The following AGBL2 variants were observed in gnomAD, a reference collection of about 807,000 sequenced individuals.
The protein encoded by AGBL2 is AGBL carboxypeptidase 2.
Under a neutral mutation model 103.0 loss-of-function variants are expected in AGBL2, and 87 were observed. The observed-to-expected ratio is 0.84, with a 90% CI of 0.71 to 1.01. AGBL2 has a LOEUF of 1.01. Among genes scored for constraint, AGBL2 ranks in the 50% least tolerant of loss-of-function variants. The pLI is 0.00. For synonymous variants in AGBL2, 335 were observed against 356.7 expected, an observed-to-expected ratio of 0.94 and a Z score of 0.69; for missense variants, 904 against 1,023.5, an observed-to-expected ratio of 0.88 and a Z score of 1.59.
At chr11:47,661,788 T>G (rs2097328734) in intron 18 of AGBL2, among the ~76,000 whole-genome samples, 1 of 151,630 alleles carries the variant, frequency 6.6e-6, no homozygotes, top group African/African-American at 2.4e-5. Context: ...AGAGTCTCAC[T>G]CTGTCGCCCA....
intron 8 of AGBL2, among the ~76,000 whole-genome samples, chr11:47,698,183 T>G (rs1010799713): frequency 9.5e-5 from 14 of 147,446 alleles, no homozygotes; most frequent in African/African-American, 3.5e-4. Flanking sequence ...TTTTTTTTTT[T>G]TTTTTTTGAG....
intron 3 of AGBL2, among the ~76,000 whole-genome samples, chr11:47,711,407 C>T (rs2097536069): frequency 6.6e-6 from 1 of 152,194 alleles, no homozygotes; most frequent in Admixed American, 6.5e-5. Flanking sequence ...GAAGCTCCTC[C>T]CCTCACTTGC....
chr11:47,686,852 G>T (rs1598988055), intron 10 of AGBL2, among the ~76,000 whole-genome samples: 1 of 151,270 alleles, frequency 6.6e-6, no homozygotes, highest in Admixed American at 6.6e-5. Flanking sequence ...CCAGCTACTT[G>T]GCAGGCTGAG....
rs760638276 is a variant in AGBL2 at position 47,668,869 on chromosome 11, G to A, written c.2186C>T (p.Pro729Leu). The A allele has an allele frequency of 2.5e-6, 4 of 1,613,348 alleles. No homozygotes were observed. In the South Asian group the frequency reaches 4.4e-5, roughly 18 times the overall value. The change falls in exon 15 of 19, where the codon CCT becomes CTT. Residue 729 changes from proline to leucine, a missense_variant. Pro to Leu is a moderately conservative substitution (Grantham distance 98, BLOSUM62 -3). Transcript: ENST00000525123. ...GSDSSLSDGL[P>L]VHLANIADEL... ...ATCTGCTATGTTTGCTAGGTGAACAGGAAGACCATCTGAGAGAGAACTGTC... is the reference window on the plus strand; with the variant it reads ...ATCTGCTATGTTTGCTAGGTGAACAAGAAGACCATCTGAGAGAGAACTGTC...
At chr11:47,664,151 G>A (rs1016659209) in intron 17 of AGBL2, among the ~76,000 whole-genome samples, 2 of 152,054 alleles carry the variant, frequency 1.3e-5, no homozygotes, top group Admixed American at 6.6e-5. Flanking sequence ...CACCGTGCCT[G>A]GGCAGCACTG....
Position 47,660,365 on chromosome 11 carries a change from A to T in AGBL2, c.2536-19T>A. The T allele has an allele frequency of 6.3e-7, 1 of 1,586,196 alleles. No homozygotes were observed. The highest frequency in any genetic ancestry group is 1.4e-5 in the African/African-American group (1 of 73,696). On this transcript the variant is annotated intron_variant, in intron 18 of 18. Transcript: ENST00000525123. Reference sequence around the variant, plus strand: ...TCTTATTCTGTGCAAATAAGATTTTAAAAAGTTGAATTCAGTTTATTTTGC... The same window carrying T: ...TCTTATTCTGTGCAAATAAGATTTTTAAAAGTTGAATTCAGTTTATTTTGC...
chr11:47,673,914 A>G (rs2097365611), intron 14 of AGBL2, among the ~76,000 whole-genome samples: 1 of 151,222 alleles, frequency 6.6e-6, no homozygotes, highest in East Asian at 2.0e-4. Flanking sequence ...AGCCTGGCCA[A>G]CATGGTGAAA....
rs1336212310 is a variant in AGBL2 at position 47,690,752 on chromosome 11, G to C, written c.955C>G (p.Arg319Gly). The change falls in exon 10 of 19, where the codon CGC becomes GGC. Residue 319 changes from arginine (R) to glycine (G), a missense_variant. Physicochemically the swap from Arg to Gly is moderately radical, Grantham distance 125. Coordinates refer to ENST00000525123, the MANE Select transcript of AGBL2 (RefSeq NM_024783.4). ...VQNTRKDATY[R>G]FTIVNLLKPK... ...TTTAGCAAGTTGACAATGGTGAAGC[G>C]ATAGGTAGCATCTTTTCTGGTGTTC... is the stretch of plus-strand genomic sequence containing the variant. 3.1e-6 allele frequency: 5 copies of C among 1,613,952 alleles called. No individual in the cohort carries two copies. The highest frequency in any genetic ancestry group is 4.2e-6 in the Non-Finnish European group (5 of 1,180,028).
At chr11:47,707,591 C>A (rs1003105266) in intron 4 of AGBL2, among the ~76,000 whole-genome samples, 12 of 152,126 alleles carry the variant, frequency 7.9e-5, no homozygotes, top group Non-Finnish European at 2.9e-5. Flanking sequence ...AGGTCCCTCC[C>A]ACAACACGTG....
chr11:47,694,172 G>A (rs1021742587), intron 8 of AGBL2, among the ~76,000 whole-genome samples: 65 of 152,074 alleles, frequency 4.3e-4, no homozygotes, highest in African/African-American at 1.5e-3. Context: ...ACTCCAGCTT[G>A]GGTGACAAAG....
In AGBL2 at chr11:47,667,049, A is replaced by G. The variant is rs761401392; in HGVS notation, c.2355T>C (p.Phe785=). The change falls in exon 17 of 19, where the codon TTT becomes TTC. Residue 785 remains phenylalanine (F), a synonymous_variant. Transcript: ENST00000525123. ...TTGGCTGCTTTTGCAGAGTAGAAGC[A>G]AATCCTGCCTTTTCCTAGGATTGAG... The part of the protein sequence containing the change: ...LTEDTSEKAG[F]ASTLQKQPTF... 1.2e-6 allele frequency: 2 copies of G among 1,604,166 alleles called. No homozygotes were observed. Among genetic ancestry groups the G allele is most frequent in the Admixed American group, 3.5e-5 (2 of 57,446 alleles).
At chr11:47,684,991 G>T (rs1056285114) in intron 11 of AGBL2, among the ~76,000 whole-genome samples, 1 of 152,152 alleles carries the variant, frequency 6.6e-6, no homozygotes. Context: ...CGGATCACTT[G>T]AGGTCAGGAG....
rs753712941 is a variant in AGBL2 at position 47,690,708 on chromosome 11, A to C, written c.999T>G (p.Thr333=). 1 of 1,613,978 alleles carries C rather than the reference A, an allele frequency of 6.2e-7. No individual in the cohort carries two copies. Among genetic ancestry groups the C allele is most frequent in the African/African-American group, 1.3e-5 (1 of 74,892 alleles). The change falls in exon 10 of 19, where the codon ACT becomes ACG. Residue 333 remains threonine, a synonymous_variant. Coordinates refer to ENST00000525123, the MANE Select transcript of AGBL2 (RefSeq NM_024783.4). ...AGTACAAGAGTGGCTTCATCCCTAC[A>C]GTATAAAGACTCTTGGGTTTTAGCA... ...VNLLKPKSLY[T]VGMKPLLYSQ...
At chr11:47,666,310 C>G (rs2097341117) in intron 17 of AGBL2, among the ~76,000 whole-genome samples, 1 of 150,988 alleles carries the variant, frequency 6.6e-6, no homozygotes, top group African/African-American at 2.4e-5. Flanking sequence ...CCGAGAATCA[C>G]TTGAACCCAA....
rs2097489811 is a variant in AGBL2 at position 47,699,511 on chromosome 11, C to G, written c.629G>C (p.Gly210Ala). 2 of 1,609,890 alleles carry G rather than the reference C, an allele frequency of 1.2e-6. No individual in the cohort carries two copies. Among genetic ancestry groups the G allele is most frequent in the Non-Finnish European group, 1.7e-6 (2 of 1,178,252 alleles). The change falls in exon 8 of 19, where the codon GGA (glycine) becomes GCA (alanine). Residue 210 changes from glycine (G) to alanine (A), a missense_variant. By Grantham distance (60) the Gly-to-Ala change is moderately conservative. Transcript: ENST00000525123. ...TACAATCTCTGGTACCTTTTCATTT[C>G]CTTTAGGCTGATAGAAATATTCTGG... ...PQPEYFYQPK[G>A]NEKVPEIVGE...
intron 14 of AGBL2, among the ~76,000 whole-genome samples, chr11:47,676,900 G>A (rs1367390026): frequency 2.0e-5 from 3 of 150,934 alleles, no homozygotes; most frequent in Non-Finnish European, 4.4e-5. Flanking sequence ...TTCCATCTCC[G>A]TTGGAGTGAA....
At chr11:47,702,647 G>A (rs1288576829) in intron 7 of AGBL2, among the ~76,000 whole-genome samples, 2 of 151,826 alleles carry the variant, frequency 1.3e-5, no homozygotes, top group Non-Finnish European at 2.9e-5. Context: ...AGGCCGAGGC[G>A]GGTGGATCAT....
intron 17 of AGBL2, among the ~76,000 whole-genome samples, chr11:47,664,643 C>T (rs188529515): frequency 6.6e-6 from 1 of 151,846 alleles, no homozygotes; most frequent in East Asian, 2.0e-4. Flanking sequence ...AATCTCCTGA[C>T]CTCGTGATCC....
chr11:47,714,629 G>C lies in AGBL2; in HGVS notation c.22C>G (p.His8Asp). Residue 8 changes from histidine to aspartate, a missense_variant, in exon 2 of 19, where the codon CAC becomes GAC. By Grantham distance (81) the His-to-Asp change is moderately conservative. Coordinates refer to ENST00000525123, the MANE Select transcript of AGBL2 (RefSeq NM_024783.4). ...TGTTGTGTACCGACCTGCTTTAGGT[G>C]CGTTTCCAAAGCTGGGAACATGTTA... MFPALET[H>D]LKQTIPDPYE... The C allele has an allele frequency of 1.2e-6, 2 of 1,613,806 alleles. No homozygotes were observed. The highest frequency in any genetic ancestry group is 1.7e-6 in the Non-Finnish European group (2 of 1,179,976).
Sources: gnomAD v4.1 joint callset for allele counts (sites outside exome capture counted in the v4.1 genomes callset) on GRCh38, gnomAD v4.1.1 for gene constraint, MANE v1.5 for transcripts, NCBI Gene and HGNC (gene_info 2026-07-23, HGNC 2026-07-21) for gene names.